The following CDH10 variants were observed in gnomAD, a reference collection of about 807,000 sequenced individuals.
The protein encoded by CDH10 is cadherin-10.
A neutral mutation model predicts 73.1 loss-of-function variants in CDH10; 30 were observed. The ratio of observed to expected loss-of-function variants is 0.41; its 90% confidence interval spans 0.31 to 0.56. The LOEUF (loss-of-function observed/expected upper bound fraction) is 0.56. Among genes scored for constraint, CDH10 ranks in the 20% least tolerant of loss-of-function variants. The probability of loss-of-function intolerance (pLI) is 0.27; values close to 1 mark genes in which losing one functional copy is unlikely to be tolerated. For missense variants in CDH10, 815 were observed against 973.7 expected (o/e 0.84, Z 2.17); for synonymous variants, 345 against 348.2 (o/e 0.99, Z 0.10).
chr5:24,523,188 A>G (rs1426410675), intron 5 of CDH10, among the ~76,000 whole-genome samples: 2 of 152,104 alleles, frequency 1.3e-5, no homozygotes, highest in East Asian at 1.9e-4. Flanking sequence ...AAGCAAGTCA[A>G]TGAGTAATGT....
intron 1 of CDH10, among the ~76,000 whole-genome samples, chr5:24,629,264 C>CCCAA (rs1747621158): frequency 6.6e-6 from 1 of 152,018 alleles, no homozygotes; most frequent in Non-Finnish European, 1.5e-5. Context: ...AGTTTATGAG[C>CCCAA]TTGGATATAA....
chr5:24,493,633 T>C (rs898328071), intron 9 of CDH10, among the ~76,000 whole-genome samples: 2 of 151,868 alleles, frequency 1.3e-5, no homozygotes, highest in African/African-American at 4.8e-5. Context: ...GTATGATGTA[T>C]ATATATGTAA....
intron 2 of CDH10, among the ~76,000 whole-genome samples, chr5:24,555,768 C>G (rs902645410): frequency 2.0e-5 from 3 of 151,896 alleles, no homozygotes; most frequent in Admixed American, 2.0e-4. Flanking sequence ...AGTGAATTAG[C>G]TTTCAATCTC....
rs184644779 is a variant in CDH10, at chr5:24,632,880, C to T, written c.-124+11714G>A. ...CCAACACCACAACTGAAGTTTTACTCAGGTTTTGATGATGATGATGATGAT... is the reference window on the plus strand; with the variant it reads ...CCAACACCACAACTGAAGTTTTACTTAGGTTTTGATGATGATGATGATGAT... On this transcript the variant is annotated intron_variant, in intron 1 of 11. Coordinates refer to ENST00000264463, the MANE Select transcript of CDH10 (RefSeq NM_006727.5). Among the ~76,000 whole-genome samples, 8 of 151,436 alleles carry T rather than the reference C, an allele frequency of 5.3e-5. No homozygotes were observed. In the East Asian group the frequency reaches 1.6e-3, roughly 29 times the overall value.
At chr5:24,581,683 A>G (rs1019501955) in intron 2 of CDH10, among the ~76,000 whole-genome samples, 1 of 152,170 alleles carries the variant, frequency 6.6e-6, no homozygotes, top group African/African-American at 2.4e-5. Flanking sequence ...TGAAGAAACT[A>G]TTGGTAAAAC....
intron 5 of CDH10, among the ~76,000 whole-genome samples, chr5:24,524,882 AATG>A (rs1743470027): frequency 6.6e-6 from 1 of 152,132 alleles, no homozygotes; most frequent in Non-Finnish European, 1.5e-5. Flanking sequence ...GGCAGTTATT[AATG>A]ATTTCAAACA....
chr5:24,519,619 C>T (rs1743237742), intron 5 of CDH10, among the ~76,000 whole-genome samples: 1 of 152,112 alleles, frequency 6.6e-6, no homozygotes, highest in Admixed American at 6.6e-5. Flanking sequence ...TAAAATTAAA[C>T]CAGGCAAATG....
chr5:24,541,665 A>T (rs546633577), intron 2 of CDH10, among the ~76,000 whole-genome samples: 1 of 152,170 alleles, frequency 6.6e-6, no homozygotes, highest in African/African-American at 2.4e-5. Flanking sequence ...CTTTAAACAT[A>T]AAAAAATCAG....
chr5:24,630,176 G>C (rs573992188), intron 1 of CDH10, among the ~76,000 whole-genome samples: 1 of 152,058 alleles, frequency 6.6e-6, no homozygotes, highest in Admixed American at 6.6e-5. Context: ...GATGATGATC[G>C]ACAGTAAAGA....
chr5:24,608,259 T>A (rs1746826862), intron 1 of CDH10, among the ~76,000 whole-genome samples: 1 of 152,126 alleles, frequency 6.6e-6, no homozygotes, highest in Non-Finnish European at 1.5e-5. Context: ...ACGTGTTGTT[T>A]CTTAGTGGCT....
intron 5 of CDH10, among the ~76,000 whole-genome samples, chr5:24,534,702 T>C (rs984381294): frequency 6.6e-6 from 1 of 152,104 alleles, no homozygotes; most frequent in Non-Finnish European, 1.5e-5. Flanking sequence ...AGATTTTTTG[T>C]CGAAAAAAAT....
intron 5 of CDH10, 32 bp from the exon 6 acceptor site, chr5:24,511,546 A>G: frequency 1.6e-5 from 1 of 61,318 alleles, no homozygotes; most frequent in South Asian, 3.1e-4. Flanking sequence ...AGAGAGAGAC[A>G]GAGAGAGAGA....
intron 2 of CDH10, among the ~76,000 whole-genome samples, chr5:24,568,186 AACC>A (rs1745232968): frequency 6.6e-6 from 1 of 152,182 alleles, no homozygotes; most frequent in Non-Finnish European, 1.5e-5. Flanking sequence ...ATAGGATAGA[AACC>A]AGAGAGAAAA....
intron 2 of CDH10, among the ~76,000 whole-genome samples, chr5:24,559,034 T>G (rs1423564457): frequency 6.6e-6 from 1 of 151,898 alleles, no homozygotes; most frequent in Non-Finnish European, 1.5e-5. Context: ...GAGGTCTGTC[T>G]AGTTTGAATT....
chr5:24,622,466 T>G (rs192279376), intron 1 of CDH10, among the ~76,000 whole-genome samples: 1 of 152,236 alleles, frequency 6.6e-6, no homozygotes, highest in Admixed American at 6.5e-5. Flanking sequence ...GCTGCAGAAT[T>G]TGGAATGCAT....
intron 1 of CDH10, among the ~76,000 whole-genome samples, chr5:24,599,546 G>A (rs1190037661): frequency 6.6e-6 from 1 of 152,132 alleles, no homozygotes; most frequent in African/African-American, 2.4e-5. Context: ...ACTTTAGTGT[G>A]TTCAACTATG....
At chr5:24,629,749 G>C (rs571380892) in intron 1 of CDH10, among the ~76,000 whole-genome samples, 17 of 152,180 alleles carry the variant, frequency 1.1e-4, no homozygotes, top group Non-Finnish European at 2.2e-4. Context: ...TGTAAGACAT[G>C]CCTACTTCCT....
At chr5:24,553,804 G>C (rs570374076) in intron 2 of CDH10, among the ~76,000 whole-genome samples, 12 of 152,086 alleles carry the variant, frequency 7.9e-5, no homozygotes, top group South Asian at 2.1e-4. Context: ...TTTTGTAATG[G>C]AGAGAACGTA....
intron 5 of CDH10, among the ~76,000 whole-genome samples, chr5:24,512,833 A>C (rs1363415913): frequency 6.6e-6 from 1 of 152,114 alleles, no homozygotes; most frequent in East Asian, 1.9e-4. Context: ...TACATAATAA[A>C]GTCCAGACCT....
Sources: gnomAD v4.1 joint callset for allele counts (sites outside exome capture counted in the v4.1 genomes callset) on GRCh38, gnomAD v4.1.1 for gene constraint, MANE v1.5 for transcripts, NCBI Gene and HGNC (gene_info 2026-07-23, HGNC 2026-07-21) for gene names.